CARD8: variants seen among roughly 807,000 people sequenced by gnomAD.
CARD8 encodes the protein caspase recruitment domain-containing protein 8.
In CARD8, 38 loss-of-function variants were observed where a neutral mutation model predicts 53.2. That is an observed-to-expected ratio of 0.71 (90% CI 0.55 to 0.94). The LOEUF is 0.94. CARD8 is among the 40% of genes least tolerant of loss of function. The probability of loss-of-function intolerance (pLI) is 0.00; values close to 1 mark genes in which losing one functional copy is unlikely to be tolerated. For missense variants in CARD8, 561 were observed against 655.5 expected (o/e 0.86, Z 1.57); for synonymous variants, 245 against 244.9 (o/e 1.00, Z 0.00).
At chr19:48,221,024 G>GAA (rs992250942) in intron 11 of CARD8, among the ~76,000 whole-genome samples, 4 of 148,762 alleles carry the variant, frequency 2.7e-5, no homozygotes, top group African/African-American at 7.4e-5. Flanking sequence ...AAGAAAGAAA[G>GAA]AGAGAAAGAG....
intron 11 of CARD8, 99 bp from the exon 12 acceptor site, chr19:48,219,111 A>C: frequency 9.3e-7 from 1 of 1,074,244 alleles, no homozygotes; most frequent in Non-Finnish European, 1.4e-6. Flanking sequence ...TTTCCTGTGC[A>C]ATGTCATGGC....
rs2037820022 is a variant in CARD8 at position 48,210,615 on chromosome 19, G to A, written c.*1095C>T. On this transcript the variant is annotated 3_prime_UTR_variant, in exon 14 of 14. Coordinates refer to ENST00000651546, the MANE Select transcript of CARD8 (RefSeq NM_001184900.3). ...ATAAAGTGCCTAGATTCCACTTTAA[G>A]TGGTACAAATGTGATAACAGTAGAA... 6.6e-6 allele frequency: 1 copy of A among 152,144 alleles called. No individual in the cohort carries two copies. The highest frequency in any genetic ancestry group is 2.4e-5 in the African/African-American group (1 of 41,442). 9.4% of individuals were successfully genotyped at this position (152,144 alleles called of 1,614,324 possible).
rs771856033 is a variant in CARD8, at chr19:48,241,043, C to G, written c.-23G>C. On this transcript the variant is annotated 5_prime_UTR_variant, in exon 4 of 14. Coordinates refer to ENST00000651546, the MANE Select transcript of CARD8 (RefSeq NM_001184900.3). ...CATTTGTCAAATGTGGTATTTATGTCTTTACTGTATCTTTTTTACCCTGAA... is the reference window on the plus strand; with the variant it reads ...CATTTGTCAAATGTGGTATTTATGTGTTTACTGTATCTTTTTTACCCTGAA... 175 of 1,522,426 alleles carry G rather than the reference C, an allele frequency of 1.1e-4. 1 individual carries two copies. In the East Asian group the frequency reaches 2.5e-3, roughly 22 times the overall value. 94.3% of individuals were successfully genotyped at this position (1,522,426 alleles called of 1,614,324 possible). A position where few individuals can be genotyped will look rare whatever the true frequency, so the allele number is the denominator to read the frequency against.
At chr19:48,245,328 G>T (rs1455785446) in intron 3 of CARD8, among the ~76,000 whole-genome samples, 1 of 152,068 alleles carries the variant, frequency 6.6e-6, no homozygotes, top group African/African-American at 2.4e-5. Flanking sequence ...TCCTGCCTTA[G>T]CCTCCCAAGT....
intron 4 of CARD8, among the ~76,000 whole-genome samples, chr19:48,239,010 T>C (rs539136145): frequency 1.4e-3 from 207 of 152,380 alleles, no homozygotes; most frequent in Middle Eastern, 3.4e-3. Context: ...TGCTCGCTAC[T>C]GGCTTCTGAA....
intron 7 of CARD8, 56 bp downstream of exon 7, chr19:48,232,397 C>A: frequency 6.9e-7 from 1 of 1,451,988 alleles, no homozygotes; most frequent in Non-Finnish European, 9.3e-7. Flanking sequence ...CATAAAATCA[C>A]AGAACATTTC....
At chr19:48,219,071 A>C (rs2039967819) in intron 11 of CARD8, 59 bp from the exon 12 acceptor site, 4 of 1,537,900 alleles carry the variant, frequency 2.6e-6, no homozygotes, top group Non-Finnish European at 3.6e-6. Context: ...CCGGCTCCCT[A>C]CAGTGAACTG....
chr19:48,232,370 C>A, intron 7 of CARD8, 83 bp downstream of exon 7: 1 of 1,310,782 alleles, frequency 7.6e-7, no homozygotes, highest in Non-Finnish European at 1.1e-6. Flanking sequence ...ACAAAAGACT[C>A]TAAATTGTCT....
chr19:48,234,814 T>A (rs1411913784), intron 5 of CARD8, among the ~76,000 whole-genome samples: 1 of 152,200 alleles, frequency 6.6e-6, no homozygotes, highest in Non-Finnish European at 1.5e-5. Flanking sequence ...GTTCTCAACA[T>A]CTAGCATTTG....
chr19:48,233,588 T>C (rs1600458271), intron 6 of CARD8: 4 of 345,080 alleles, frequency 1.2e-5, no homozygotes, highest in South Asian at 4.4e-5. Flanking sequence ...TGCCATTTTA[T>C]ATTCTCTTTC....
chr19:48,215,143 G>T, intron 13 of CARD8, 197 bp downstream of exon 13: 1 of 478,934 alleles, frequency 2.1e-6, no homozygotes, highest in Non-Finnish European at 3.8e-6. Flanking sequence ...AACTTGCCTC[G>T]GTCTCTCCTT....
At chr19:48,229,450 A>C (rs994291910) in intron 10 of CARD8, among the ~76,000 whole-genome samples, 1 of 152,252 alleles carries the variant, frequency 6.6e-6, no homozygotes, top group African/African-American at 2.4e-5. Flanking sequence ...AGTCATCTTT[A>C]TCATTCAGAT....
intron 3 of CARD8, among the ~76,000 whole-genome samples, chr19:48,245,812 T>C (rs1306561655): frequency 1.3e-5 from 2 of 148,556 alleles, no homozygotes; most frequent in Non-Finnish European, 3.0e-5. Context: ...TATATTGTAT[T>C]ATATATACAT....
At chr19:48,235,611 C>T (rs1332547427) in intron 5 of CARD8, among the ~76,000 whole-genome samples, 1 of 152,106 alleles carries the variant, frequency 6.6e-6, no homozygotes, top group Non-Finnish European at 1.5e-5. Flanking sequence ...CTTGAATTCC[C>T]GGCCCCAAGA....
chr19:48,254,356 A>C (rs35841558), intron 1 of CARD8, among the ~76,000 whole-genome samples: 3,620 of 152,364 alleles, frequency 0.024, 80 homozygotes, highest in Middle Eastern at 0.075. Context: ...AAAATTCTGT[A>C]GAAATCCATC....
At chr19:48,231,145 G>A (rs976116024) in intron 8 of CARD8, 139 bp from the exon 9 acceptor site, 1 of 669,542 alleles carries the variant, frequency 1.5e-6, no homozygotes, top group Non-Finnish European at 2.6e-6. Context: ...AGAAAACGCT[G>A]GGGAGTTCAT....
chr19:48,233,436 C>CA, intron 6 of CARD8: 1 of 456,102 alleles, frequency 2.2e-6, no homozygotes, highest in South Asian at 1.5e-5. Context: ...AAAGGCTTTA[C>CA]AGCGCTTTTC....
downstream of CARD8, chr19:48,206,571 G>A: frequency 4.4e-6 from 2 of 458,296 alleles, no homozygotes; most frequent in Admixed American, 4.7e-5. Flanking sequence ...TTGGTCACGG[G>A]CCAATCCTTC....
chr19:48,244,430 G>A, intron 3 of CARD8, among the ~76,000 whole-genome samples: 1 of 152,206 alleles, frequency 6.6e-6, no homozygotes, highest in Middle Eastern at 3.2e-3. Flanking sequence ...GGAGGAACAG[G>A]GAGGAAGTGC....
Sources: allele counts gnomAD v4.1 joint callset (sites outside exome capture counted in the v4.1 genomes callset), GRCh38; gene constraint gnomAD v4.1.1; transcripts MANE v1.5; gene names NCBI Gene and HGNC (gene_info 2026-07-23, HGNC 2026-07-21).